SEPTIN9: variants seen among roughly 807,000 people sequenced by gnomAD.
The protein encoded by SEPTIN9 is septin 9.
SEPTIN9 carries 13 observed loss-of-function variants against 56.6 expected under a neutral mutation model. The ratio of observed to expected loss-of-function variants is 0.23; its 90% CI spans 0.15 to 0.37. The LOEUF (loss-of-function observed/expected upper bound fraction) is 0.37. Among genes scored for constraint, SEPTIN9 ranks in the 10% least tolerant of loss-of-function variants. SEPTIN9 has a pLI of 1.00. For missense variants in SEPTIN9, 650 were observed against 823.1 expected (o/e 0.79, Z 2.57); for synonymous variants, 332 against 334.1 (o/e 0.99, Z 0.07).
intron 3 of SEPTIN9, chr17:77,446,176 A>G (rs986429192): frequency 6.0e-6 from 1 of 167,116 alleles, no homozygotes; most frequent in Non-Finnish European, 1.5e-5. Flanking sequence ...TTACAGTGCT[A>G]AGGGTCAGAA....
intron 2 of SEPTIN9, among the ~76,000 whole-genome samples, chr17:77,342,049 C>T (rs1293385008): frequency 6.8e-6 from 1 of 147,532 alleles, no homozygotes. Context: ...CGCCGCTGCA[C>T]TCCAGACAGA....
At chr17:77,488,195 G>A (rs1343959774) in intron 5 of SEPTIN9, 45 bp from the exon 6 acceptor site, 1 of 1,580,606 alleles carries the variant, frequency 6.3e-7, no homozygotes, top group South Asian at 1.1e-5. Context: ...TGTCTGTGAG[G>A]GTCTTCCGTC....
intron 2 of SEPTIN9, among the ~76,000 whole-genome samples, chr17:77,312,210 C>T (rs1240991602): frequency 4.6e-5 from 7 of 152,264 alleles, no homozygotes; most frequent in East Asian, 1.9e-4. Context: ...ATTTAGAGGA[C>T]GATTACCACT....
intron 2 of SEPTIN9, among the ~76,000 whole-genome samples, chr17:77,342,848 C>T (rs2033775412): frequency 6.6e-6 from 1 of 152,018 alleles, no homozygotes; most frequent in Non-Finnish European, 1.5e-5. Flanking sequence ...GCGGTGTGTG[C>T]CTGCGGTTCC....
At position 77,400,130 on chromosome 17, in the gene SEPTIN9, C is replaced by T. The variant is rs907744324; in HGVS notation, c.77-1929C>T. Among the ~76,000 whole-genome samples, 1 of 152,142 alleles carries T rather than the reference C, an allele frequency of 6.6e-6. No homozygotes were observed. The highest frequency in any genetic ancestry group is 2.4e-5 in the African/African-American group (1 of 41,408). Reference sequence around the variant, plus strand: ...TAGCTGGGACTATAGGCGAGTGTCACCATGCCCAGCTAATTTTTTATTTTT... The same window carrying T: ...TAGCTGGGACTATAGGCGAGTGTCATCATGCCCAGCTAATTTTTTATTTTT... On this transcript the variant is annotated intron_variant, in intron 2 of 11. Transcript: ENST00000427177. The surrounding 1 kb of genome is among the most constrained non-coding windows in gnomAD (Gnocchi z 4.1).
At chr17:77,320,699 C>T (rs1224118071) in intron 2 of SEPTIN9, among the ~76,000 whole-genome samples, 2 of 152,224 alleles carry the variant, frequency 1.3e-5, no homozygotes, top group East Asian at 1.9e-4. Context: ...TCTGGGGCGG[C>T]GGCGCTTGGA....
intron 2 of SEPTIN9, 110 bp downstream of exon 2, chr17:77,307,307 T>A: frequency 1.0e-6 from 1 of 985,838 alleles, no homozygotes; most frequent in Non-Finnish European, 1.6e-6. Context: ...CCTGGATGAG[T>A]GGGGCCACTT....
rs2032744902 is a variant in SEPTIN9 at position 77,317,271 on chromosome 17, C to T, written c.76+10074C>T. Among the ~76,000 whole-genome samples, 1 of 152,194 alleles carries T rather than the reference C, an allele frequency of 6.6e-6. No individual in the cohort carries two copies. Among genetic ancestry groups the T allele is most frequent in the African/African-American group, 2.4e-5 (1 of 41,462 alleles). ...GGCTGAAATCAGGGTGTCCACTGGG[C>T]ATAGCCCTCTGGAGGCTCTAGGGCA... On this transcript the variant is annotated intron_variant, in intron 2 of 11. Coordinates refer to ENST00000427177, the MANE Select transcript of SEPTIN9 (RefSeq NM_001113491.2). This position sits in a 1 kb window ranked among gnomAD's most constrained non-coding sequence, Gnocchi z 4.2.
chr17:77,365,232 C>G (rs1220990454), intron 2 of SEPTIN9, among the ~76,000 whole-genome samples: 1 of 152,170 alleles, frequency 6.6e-6, no homozygotes, highest in Non-Finnish European at 1.5e-5. Context: ...CTGTAGAAAT[C>G]CATCTACAGC....
intron 2 of SEPTIN9, among the ~76,000 whole-genome samples, chr17:77,355,310 G>T (rs889707264): frequency 6.6e-6 from 1 of 152,190 alleles, no homozygotes; most frequent in South Asian, 2.1e-4. Flanking sequence ...GATTGCCAGC[G>T]CCTGTTGCTG....
chr17:77,494,298 G>A (rs1035832339), intron 10 of SEPTIN9, among the ~76,000 whole-genome samples: 4 of 152,226 alleles, frequency 2.6e-5, no homozygotes, highest in East Asian at 1.9e-4. Flanking sequence ...GTGACACCCC[G>A]GGAGGGATGG....
intron 4 of SEPTIN9, among the ~76,000 whole-genome samples, chr17:77,485,268 G>GGTAA (rs2039723462): frequency 2.2e-5 from 3 of 134,034 alleles, no homozygotes; most frequent in Admixed American, 1.5e-4. Context: ...TTGTGATGGT[G>GGTAA]ATGTGGGTGA....
At position 77,499,153 on chromosome 17, in the gene SEPTIN9, G is replaced by A. The variant is rs773245212; in HGVS notation, c.*495G>A. ...CCAGGAGCACCTGGACCCCCTGCCC[G>A]CCACATGGTGTGGCCATCACTCAGC... On this transcript the variant is annotated 3_prime_UTR_variant, in exon 12 of 12. Coordinates refer to ENST00000427177, the MANE Select transcript of SEPTIN9 (RefSeq NM_001113491.2). The A allele has an allele frequency of 2.1e-5, 11 of 535,636 alleles. No individual in the cohort carries two copies. Among genetic ancestry groups the A allele is most frequent in the African/African-American group, 5.6e-5 (3 of 53,804 alleles). 33.2% of individuals were successfully genotyped at this position (535,636 alleles called of 1,614,324 possible). A position where few individuals can be genotyped will look rare whatever the true frequency, so the allele number is the denominator to read the frequency against.
intron 2 of SEPTIN9, among the ~76,000 whole-genome samples, chr17:77,342,657 G>A (rs1031232112): frequency 3.3e-5 from 5 of 152,160 alleles, no homozygotes; most frequent in Non-Finnish European, 7.4e-5. Flanking sequence ...ACAAAGGGGT[G>A]ACATTGTGAT....
At chr17:77,334,387 A>T (rs1213684255) in intron 2 of SEPTIN9, among the ~76,000 whole-genome samples, 6 of 145,488 alleles carry the variant, frequency 4.1e-5, no homozygotes. Flanking sequence ...GCACCACTGC[A>T]CTCCAGCCTA....
Position 77,324,842 on chromosome 17 carries a change from G to A in SEPTIN9, c.76+17645G>A, listed in dbSNP as rs796180382. ...CAATTTTTTTTTTTTTTTTTGAGAT[G>A]GAGTCTGACTCTGTTGCCCAGGCTG... is the stretch of plus-strand genomic sequence containing the variant. On this transcript the variant is annotated intron_variant, in intron 2 of 11. Coordinates refer to ENST00000427177, the MANE Select transcript of SEPTIN9 (RefSeq NM_001113491.2). 1.8e-4 allele frequency among the ~76,000 whole-genome samples: 23 copies of A among 128,232 alleles called. 1 individual carries two copies. The highest frequency in any genetic ancestry group is 6.6e-4 in the African/African-American group (22 of 33,090). The allele number at this position is 128,232 out of a possible 152,430, so 84.1% of individuals were successfully genotyped here. A position where few individuals can be genotyped will look rare whatever the true frequency, so the allele number is the denominator to read the frequency against.
At chr17:77,472,419 G>A (rs2039040393) in intron 3 of SEPTIN9, 1 of 152,166 alleles carries the variant, frequency 6.6e-6, no homozygotes, top group Non-Finnish European at 1.5e-5. Context: ...GGGCGCCTCG[G>A]CCCCTGAATG....
chr17:77,488,390 G>C (rs1195369073), intron 6 of SEPTIN9, 69 bp downstream of exon 6: 1 of 1,440,984 alleles, frequency 6.9e-7, no homozygotes, highest in African/African-American at 1.4e-5. Context: ...CCCAGAGTCA[G>C]CCCTAGAGGT....
chr17:77,418,930 T>A (rs1477033897), intron 3 of SEPTIN9, among the ~76,000 whole-genome samples: 2 of 152,064 alleles, frequency 1.3e-5, no homozygotes, highest in Non-Finnish European at 1.5e-5. Flanking sequence ...TCATGTCCCC[T>A]CTCCCCTGTC....
Sources: allele counts gnomAD v4.1 joint callset (sites outside exome capture counted in the v4.1 genomes callset), GRCh38; gene constraint gnomAD v4.1.1; non-coding constraint Gnocchi (gnomAD v3.1); transcripts MANE v1.5; gene names NCBI Gene and HGNC (gene_info 2026-07-23, HGNC 2026-07-21).